GPR19: variants seen among roughly 807,000 people sequenced by gnomAD.
GPR19 encodes G protein-coupled receptor 19.
In GPR19, 14 loss-of-function variants were observed where a neutral mutation model predicts 28.5. The ratio of observed to expected loss-of-function variants is 0.49; its 90% CI spans 0.32 to 0.77. GPR19 has a LOEUF of 0.77. Ranked by LOEUF, GPR19 falls within the 30% of genes least tolerant of loss-of-function variation. GPR19 has a pLI of 0.03. For synonymous variants in GPR19, 173 were observed against 184.1 expected (o/e 0.94, Z 0.49); for missense variants, 409 against 504.1 (o/e 0.81, Z 1.81).
At chr12:12,685,261 T>C (rs944600257) in intron 2 of GPR19, among the ~76,000 whole-genome samples, 8 of 106,908 alleles carry the variant, frequency 7.5e-5, no homozygotes, top group Non-Finnish European at 1.3e-4. Flanking sequence ...TCTTTAAATA[T>C]GGTCTTTTTT....
intron 3 of GPR19, among the ~76,000 whole-genome samples, chr12:12,667,106 A>C (rs1220696318): frequency 6.6e-6 from 1 of 152,224 alleles, no homozygotes; most frequent in Non-Finnish European, 1.5e-5. Flanking sequence ...TTTCTGAAAT[A>C]TAAGATCTGG....
upstream of GPR19, among the ~76,000 whole-genome samples, chr12:12,697,208 G>T (rs1272976953): frequency 8.6e-6 from 1 of 116,492 alleles, no homozygotes; most frequent in Non-Finnish European, 1.7e-5. Context: ...ACTTGGAGAC[G>T]ACTCTAGAAG....
At chr12:12,681,354 C>T (rs75612901) in intron 3 of GPR19, among the ~76,000 whole-genome samples, 1,929 of 152,348 alleles carry the variant, frequency 0.013, 19 homozygotes, top group Middle Eastern at 0.034. Context: ...TACCCATGCT[C>T]ATTGTCCCTC....
At chr12:12,703,049 T>A in the GPR19 span, among the ~76,000 whole-genome samples, 1 of 152,228 alleles carries the variant, frequency 6.6e-6, no homozygotes, top group African/African-American at 2.4e-5. Flanking sequence ...CCCACAGAGC[T>A]AGGAGCCCCA....
At chr12:12,670,295 TA>T (rs1401711187) in intron 3 of GPR19, among the ~76,000 whole-genome samples, 1 of 152,256 alleles carries the variant, frequency 6.6e-6, no homozygotes, top group African/African-American at 2.4e-5. Context: ...TTTCATTTGT[TA>T]AATCTGGCAA....
the GPR19 span, among the ~76,000 whole-genome samples, chr12:12,709,430 TG>T: frequency 6.6e-6 from 1 of 152,148 alleles, no homozygotes; most frequent in Non-Finnish European, 1.5e-5. Flanking sequence ...TCATCACACA[TG>T]GGCTGAAGAT....
At chr12:12,681,537 G>C (rs55874720) in intron 3 of GPR19, among the ~76,000 whole-genome samples, 2,036 of 152,266 alleles carry the variant, frequency 0.013, 34 homozygotes, top group African/African-American at 0.047. Context: ...GCCCAGCTAG[G>C]CTTCCAGATC....
intron 2 of GPR19, among the ~76,000 whole-genome samples, chr12:12,691,744 A>T (rs1742473934): frequency 6.6e-6 from 1 of 152,192 alleles, no homozygotes; most frequent in African/African-American, 2.4e-5. Context: ...CTGAATAAGC[A>T]TGACTTTTGA....
intron 3 of GPR19, among the ~76,000 whole-genome samples, chr12:12,676,541 T>C (rs1042599826): frequency 4.6e-5 from 7 of 152,178 alleles, no homozygotes; most frequent in Non-Finnish European, 8.8e-5. Context: ...AAAGGAAAGA[T>C]GAATTTTACC....
At position 12,669,689 on chromosome 12, in the gene GPR19, T is replaced by C. The variant is rs117791570; in HGVS notation, c.-22-7219A>G. Among the ~76,000 whole-genome samples, 69 of 152,310 alleles carry C rather than the reference T, an allele frequency of 4.5e-4. No individual in the cohort carries two copies. The East Asian group carries it at 0.011, about 24-fold the overall frequency. ...CACCAAAAATTGAAGTTTTGTTTTT[T>C]TCCCCCCTCTGCAGAGCCAGTTGTT... On this transcript the variant is annotated intron_variant, in intron 3 of 3. Coordinates refer to ENST00000651487, the MANE Select transcript of GPR19 (RefSeq NM_006143.3).
At chr12:12,685,071 TA>T (rs778839557) in intron 2 of GPR19, 5 of 152,220 alleles carry the variant, frequency 3.3e-5, no homozygotes, top group Admixed American at 6.5e-5. Flanking sequence ...AAATATTTTT[TA>T]AAATTTCCCT....
At chr12:12,711,069 T>C in the GPR19 span, among the ~76,000 whole-genome samples, 1 of 152,048 alleles carries the variant, frequency 6.6e-6, no homozygotes, top group Non-Finnish European at 1.5e-5. Context: ...TTTGGGAGGC[T>C]GAGGCAGGCA....
chr12:12,675,610 CAGG>C (rs372114086), intron 3 of GPR19, among the ~76,000 whole-genome samples: 1 of 152,150 alleles, frequency 6.6e-6, no homozygotes. Context: ...CTGGCAGCAG[CAGG>C]AGAAGTCAGA....
intron 2 of GPR19, among the ~76,000 whole-genome samples, chr12:12,689,639 C>A (rs1427112168): frequency 6.6e-6 from 1 of 151,960 alleles, no homozygotes; most frequent in Non-Finnish European, 1.5e-5. Context: ...AATACATCCA[C>A]AAATTCTTTG....
the GPR19 span, among the ~76,000 whole-genome samples, chr12:12,709,851 G>T: frequency 6.6e-6 from 1 of 152,062 alleles, no homozygotes; most frequent in Non-Finnish European, 1.5e-5. Flanking sequence ...AAATTTTCGG[G>T]AGAAAAAATT....
At chr12:12,689,492 G>A (rs1223131002) in intron 2 of GPR19, among the ~76,000 whole-genome samples, 2 of 151,944 alleles carry the variant, frequency 1.3e-5, no homozygotes, top group African/African-American at 4.8e-5. Context: ...CTCTTTGGGA[G>A]GTATTATGAA....
chr12:12,679,449 T>C lies in GPR19; in HGVS notation c.-23+4902A>G, dbSNP rs979984295. On this transcript the variant is annotated intron_variant, in intron 3 of 3. Transcript: ENST00000651487. Reference sequence around the variant, plus strand: ...CTATCAAAAAAAAAAAAAAAAAAAATTAGCCGGGCATGGTGGTGCATGCTT... The same window carrying C: ...CTATCAAAAAAAAAAAAAAAAAAAACTAGCCGGGCATGGTGGTGCATGCTT... Among the ~76,000 whole-genome samples, 10 of 132,940 alleles carry C rather than the reference T, an allele frequency of 7.5e-5. 1 individual carries two copies. The highest frequency in any genetic ancestry group is 3.3e-5 in the Non-Finnish European group (2 of 61,474). The allele number at this position is 132,940 out of a possible 152,430, so 87.2% of individuals were successfully genotyped here. A position where few individuals can be genotyped will look rare whatever the true frequency, so the allele number is the denominator to read the frequency against.
At chr12:12,708,025 G>T in the GPR19 span, among the ~76,000 whole-genome samples, 2 of 105,248 alleles carry the variant, frequency 1.9e-5, no homozygotes, top group Non-Finnish European at 3.5e-5. Flanking sequence ...TTTGAGATAC[G>T]GCCTAGCTCT....
At chr12:12,677,961 C>A (rs1167006824) in intron 3 of GPR19, among the ~76,000 whole-genome samples, 1 of 151,092 alleles carries the variant, frequency 6.6e-6, no homozygotes, top group Non-Finnish European at 1.5e-5. Context: ...GTAATCCCAA[C>A]TACTCAGGAG....
Sources: allele counts gnomAD v4.1 joint callset (sites outside exome capture counted in the v4.1 genomes callset), GRCh38; gene constraint gnomAD v4.1.1; transcripts MANE v1.5; gene names NCBI Gene and HGNC (gene_info 2026-07-23, HGNC 2026-07-21).